Variants in SENP6 observed in about 807,000 individuals in gnomAD.
The protein encoded by SENP6 is SUMO specific peptidase 6, also known as sentrin-specific protease 6.
SENP6 carries 41 observed loss-of-function variants against 134.5 expected under a neutral mutation model. That is an observed-to-expected ratio of 0.30 (90% CI 0.24 to 0.40). The LOEUF (loss-of-function observed/expected upper bound fraction) is 0.40, where lower values mean the gene tolerates loss of function less well. SENP6 is among the 10% of genes least tolerant of loss of function. The probability of loss-of-function intolerance (pLI) is 1.00; values close to 1 mark genes in which losing one functional copy is unlikely to be tolerated. For missense variants in SENP6, 1,248 were observed against 1,312.5 expected (o/e 0.95, Z 0.76); for synonymous variants, 395 against 429.8 (o/e 0.92, Z 1.00).
At chr6:75,688,854 G>A (rs942112203) in intron 16 of SENP6, among the ~76,000 whole-genome samples, 1 of 152,182 alleles carries the variant, frequency 6.6e-6, no homozygotes, top group African/African-American at 2.4e-5. Flanking sequence ...GATCATCTGA[G>A]GTCAGGAGGT....
At position 75,686,399 on chromosome 6, in the gene SENP6, A is replaced by G. The variant is rs1773843280; in HGVS notation, c.2075+7472A>G. ...TGGGGCATTTAGCCCATTTACATTTAAAGTTAACATTGTTATGTGTGAATT... is the reference window on the plus strand; with the variant it reads ...TGGGGCATTTAGCCCATTTACATTTGAAGTTAACATTGTTATGTGTGAATT... On this transcript the variant is annotated intron_variant, in intron 16 of 23. Transcript: ENST00000447266. Among the ~76,000 whole-genome samples the G allele has an allele frequency of 2.6e-5, 4 of 152,194 alleles. 1 individual carries two copies. In the South Asian group the frequency reaches 8.3e-4, roughly 32 times the overall value.
At chr6:75,637,447 C>T (rs1769609503) in intron 5 of SENP6, among the ~76,000 whole-genome samples, 1 of 152,008 alleles carries the variant, frequency 6.6e-6, no homozygotes, top group Admixed American at 6.6e-5. Flanking sequence ...AACTGCTATT[C>T]CAAATGTTAA....
At chr6:75,607,469 G>A (rs577749633) in intron 1 of SENP6, among the ~76,000 whole-genome samples, 1 of 151,800 alleles carries the variant, frequency 6.6e-6, no homozygotes, top group African/African-American at 2.4e-5. Context: ...TCACTCTGGG[G>A]GCTCTAACAA....
rs752549677 is a variant in SENP6 at position 75,678,618 on chromosome 6, A to G, written c.1884A>G (p.Lys628=). The change falls in exon 15 of 24, where the codon AAA becomes AAG. Residue 628 remains lysine, a synonymous_variant. Coordinates refer to ENST00000447266, the MANE Select transcript of SENP6 (RefSeq NM_015571.4). The stretch of plus-strand genomic sequence containing the variant: ...AATCTAAAATACAACTTAGAAGCAA[A>G]CAAGAATTTCAGTTTTTTGATGAAG... ...SFESKIQLRS[K]QEFQFFDEEE... 22 of 1,595,558 alleles carry G rather than the reference A, an allele frequency of 1.4e-5. No individual in the cohort carries two copies. Among genetic ancestry groups the G allele is most frequent in the Middle Eastern group, 1.7e-4 (1 of 6,048 alleles).
Position 75,678,868 on chromosome 6 carries a change from C to T in SENP6, c.2016C>T (p.Asp672=). The T allele has an allele frequency of 6.2e-7, 1 of 1,607,374 alleles. No individual in the cohort carries two copies. Among genetic ancestry groups the T allele is most frequent in the South Asian group, 1.1e-5 (1 of 90,662 alleles). Residue 672 remains aspartate, a synonymous_variant, in exon 16 of 24, where the codon GAC becomes GAT. Coordinates refer to ENST00000447266, the MANE Select transcript of SENP6 (RefSeq NM_015571.4). ...GAGGCATCTCTGTTACCAATGAGGA[C>T]CTGCACTGTCTAAATGAAGGAGAAT... ...AKGGISVTNE[D]LHCLNEGEFL... is the part of the protein sequence containing the mutation.
Position 75,602,537 on chromosome 6 carries a change from A to G in SENP6, c.13A>G (p.Lys5Glu). The G allele has an allele frequency of 6.4e-7, 1 of 1,551,600 alleles. No individual in the cohort carries two copies. The highest frequency in any genetic ancestry group is 1.2e-5 in the South Asian group (1 of 84,050). Residue 5 changes from lysine (K) to glutamate (E), a missense_variant, in exon 1 of 24, where the codon AAG (lysine) becomes GAG (glutamate). Lys to Glu is a moderately conservative substitution (Grantham distance 56). Transcript: ENST00000447266. MAAG[K>E]SGGSAGEITF... ...TGGGAGGAGGAAGATGGCGGCCGGC[A>G]AGAGCGGCGGTAGCGCAGGGGAGAT... is the stretch of plus-strand genomic sequence containing the variant.
intron 1 of SENP6, among the ~76,000 whole-genome samples, chr6:75,604,966 G>T (rs7738852): frequency 0.29 from 43,569 of 151,738 alleles, 6,817 homozygotes; most frequent in Middle Eastern, 0.38. Flanking sequence ...CCAACTACTC[G>T]GGAGGCTGAG....
intron 16 of SENP6, among the ~76,000 whole-genome samples, chr6:75,695,270 T>G (rs572846828): frequency 6.6e-6 from 1 of 152,234 alleles, no homozygotes; most frequent in Non-Finnish European, 1.5e-5. Context: ...CTGCATAGAA[T>G]GTGTCCTTGT....
intron 7 of SENP6, among the ~76,000 whole-genome samples, chr6:75,648,392 A>T (rs1378696635): frequency 6.6e-6 from 1 of 152,168 alleles, no homozygotes; most frequent in Admixed American, 6.5e-5. Context: ...ATGTGTGTCC[A>T]TCTTGTTTTT....
chr6:75,681,306 C>T (rs1169578841), intron 16 of SENP6, among the ~76,000 whole-genome samples: 1 of 152,152 alleles, frequency 6.6e-6, no homozygotes, highest in African/African-American at 2.4e-5. Flanking sequence ...TCTGTTACTC[C>T]TGCTCTGGCC....
intron 19 of SENP6, among the ~76,000 whole-genome samples, chr6:75,707,357 T>TC (rs1247210444): frequency 3.3e-5 from 1 of 30,168 alleles, no homozygotes; most frequent in Admixed American, 2.3e-4. Context: ...TTCTTCTTCT[T>TC]TTTTTTTTTT....
chr6:75,710,417 A>G (rs527816827), intron 20 of SENP6, among the ~76,000 whole-genome samples: 1 of 152,300 alleles, frequency 6.6e-6, no homozygotes, highest in South Asian at 2.1e-4. Flanking sequence ...ACAGCATACC[A>G]TTTTGTTAAT....
intron 7 of SENP6, among the ~76,000 whole-genome samples, chr6:75,658,974 CAAAAAAAAAA>C (rs35016433): frequency 2.8e-5 from 2 of 71,942 alleles, no homozygotes; most frequent in Admixed American, 2.0e-4. Flanking sequence ...CTTGTCTCCC[CAAAAAAAAAA>C]AAAAAAAAAA....
chr6:75,688,194 C>T lies in SENP6; in HGVS notation c.2076-7610C>T, dbSNP rs1028792831. 2.0e-4 allele frequency among the ~76,000 whole-genome samples: 31 copies of T among 152,214 alleles called. 1 individual carries two copies. Among genetic ancestry groups the T allele is most frequent in the Admixed American group, 1.5e-3 (23 of 15,282 alleles). On this transcript the variant is annotated intron_variant, in intron 16 of 23. Coordinates refer to ENST00000447266, the MANE Select transcript of SENP6 (RefSeq NM_015571.4). ...AGCAAGGCTCCATGGGCGTGGGAGC[C>T]GCCGAGCCAGGCACGGGAGAGAATC...
intron 13 of SENP6, chr6:75,676,547 C>T (rs1773097625): frequency 6.4e-6 from 1 of 156,292 alleles, no homozygotes; most frequent in African/African-American, 2.4e-5. Flanking sequence ...AAGATATACA[C>T]ATTTCAGCAG....
At position 75,648,597 on chromosome 6, in the gene SENP6, T is replaced by G. The variant is rs76705647; in HGVS notation, c.550+796T>G. On this transcript the variant is annotated intron_variant, in intron 7 of 23. Transcript: ENST00000447266. ...TTTCATAAAGAGAATATTCCAAACA[T>G]TTCATCCTTTCTTAATAATGAACAG... Among the ~76,000 whole-genome samples, 200 of 152,322 alleles carry G rather than the reference T, an allele frequency of 1.3e-3. 2 individuals are homozygous for G. The highest frequency in any genetic ancestry group is 4.7e-3 in the African/African-American group (195 of 41,584).
chr6:75,628,822 C>A (rs1419266923), intron 3 of SENP6, among the ~76,000 whole-genome samples: 2 of 152,036 alleles, frequency 1.3e-5, no homozygotes, highest in Non-Finnish European at 2.9e-5. Context: ...TAGGCTCAAG[C>A]GATCCTACCG....
intron 2 of SENP6, among the ~76,000 whole-genome samples, chr6:75,623,450 C>T (rs1768426357): frequency 6.6e-6 from 1 of 152,168 alleles, no homozygotes; most frequent in Non-Finnish European, 1.5e-5. Flanking sequence ...GGTAATACCA[C>T]TGGAATTACT....
At position 75,663,252 on chromosome 6, in the gene SENP6, C is replaced by A; in HGVS notation, c.728C>A (p.Thr243Asn). The part of the protein sequence containing the change: ...DLQRNCRQAI[T>N]LNESTGPLLR... ...CAAAGAAATTGCAGACAAGCTATTA[C>A]TTTGAATGAGTCTACTGGACCATTA... The change falls in exon 9 of 24, where the codon ACT becomes AAT. Residue 243 changes from threonine to asparagine, a missense_variant. Physicochemically the swap from Thr to Asn is moderately conservative, Grantham distance 65. Coordinates refer to ENST00000447266, the MANE Select transcript of SENP6 (RefSeq NM_015571.4). The A allele has an allele frequency of 1.2e-6, 2 of 1,613,146 alleles. No homozygotes were observed. The highest frequency in any genetic ancestry group is 1.7e-6 in the Non-Finnish European group (2 of 1,179,672).
Sources: allele counts gnomAD v4.1 joint callset (sites outside exome capture counted in the v4.1 genomes callset), GRCh38; gene constraint gnomAD v4.1.1; transcripts MANE v1.5; gene names NCBI Gene and HGNC (gene_info 2026-07-23, HGNC 2026-07-21).